ARHGAP35: variants seen among roughly 807,000 people sequenced by gnomAD.
ARHGAP35 encodes Rho GTPase activating protein 35, also known as rho GTPase-activating protein 35.
A neutral mutation model predicts 111.1 loss-of-function variants in ARHGAP35; 15 were observed. The ratio of observed to expected loss-of-function variants is 0.13; its 90% CI spans 0.09 to 0.21. The LOEUF (loss-of-function observed/expected upper bound fraction) is 0.21, where lower values mean the gene tolerates loss of function less well. Ranked by LOEUF, ARHGAP35 falls within the 10% of genes least tolerant of loss-of-function variation. ARHGAP35 has a pLI of 1.00. For missense variants in ARHGAP35, 1,262 were observed against 1,873.0 expected, an observed-to-expected ratio of 0.67 and a Z score of 6.02; for synonymous variants, 643 against 710.3, an observed-to-expected ratio of 0.91 and a Z score of 1.51.
intron 1 of ARHGAP35, among the ~76,000 whole-genome samples, chr19:46,866,063 A>G (rs2055854757): frequency 1.3e-5 from 2 of 151,328 alleles, no homozygotes; most frequent in Admixed American, 6.6e-5. Context: ...CTGGTCTTGA[A>G]CTCCTGACCT....
chr19:46,929,144 G>C (rs948809415), intron 2 of ARHGAP35, among the ~76,000 whole-genome samples: 42 of 152,122 alleles, frequency 2.8e-4, no homozygotes, highest in African/African-American at 1.0e-3. Flanking sequence ...AAGCATTTGT[G>C]CTTTAATAAT....
rs1407351013 is a variant in ARHGAP35 at position 46,993,597 on chromosome 19, C to A, written c.4036+3922C>A. Among the ~76,000 whole-genome samples the A allele has an allele frequency of 6.6e-6, 1 of 152,202 alleles. No homozygotes were observed. The highest frequency in any genetic ancestry group is 1.5e-5 in the Non-Finnish European group (1 of 68,034). On this transcript the variant is annotated intron_variant, in intron 5 of 6. Transcript: ENST00000672722. This position sits in a 1 kb window ranked among gnomAD's most constrained non-coding sequence, Gnocchi z 4.6. ...TGCCCTCTGTCTGTCCCCTCCCCTC[C>A]CTCCTGAGTTCTTGGGGTCTCTATT...
chr19:46,936,405 G>A (rs949727991), intron 2 of ARHGAP35, among the ~76,000 whole-genome samples: 3 of 152,102 alleles, frequency 2.0e-5, no homozygotes, highest in Admixed American at 6.6e-5. Flanking sequence ...TTGATTAGTC[G>A]ACTTTACCTT....
chr19:46,880,288 C>T (rs1393349339), intron 1 of ARHGAP35, among the ~76,000 whole-genome samples: 1 of 151,808 alleles, frequency 6.6e-6, no homozygotes, highest in Non-Finnish European at 1.5e-5. Flanking sequence ...CAAAATTTGC[C>T]GAGCATGGTG....
chr19:46,872,089 T>TA (rs936621486), intron 1 of ARHGAP35, among the ~76,000 whole-genome samples: 8 of 151,650 alleles, frequency 5.3e-5, no homozygotes, highest in South Asian at 2.1e-4. Context: ...TTTATAAATT[T>TA]AAAAAAAAAT....
Position 46,922,313 on chromosome 19 carries a change from C to G in ARHGAP35, c.3638C>G (p.Pro1213Arg), listed in dbSNP as rs762418967. 1 of 1,611,980 alleles carries G rather than the reference C, an allele frequency of 6.2e-7. No individual in the cohort carries two copies. The highest frequency in any genetic ancestry group is 8.5e-7 in the Non-Finnish European group (1 of 1,178,966). Residue 1213 changes from proline to arginine, a missense_variant, in exon 2 of 7, where the codon CCG becomes CGG. Pro to Arg is a moderately radical substitution (Grantham distance 103). Around this residue, in one of 8 missense-constraint regions of ARHGAP35, gnomAD observed 579 missense variants for 716.9 expected, o/e 0.81. Transcript: ENST00000672722. The surrounding 1 kb of genome is among the most constrained non-coding windows in gnomAD (Gnocchi z 4.0). ...ATTCCATACGAAACAGACGAAGACC[C>G]GCGGAGGAGGAATATTCTTCGCAGC... ...AVIPYETDED[P>R]RRRNILRSLR...
At chr19:46,982,122 A>G (rs1460503740) in intron 3 of ARHGAP35, among the ~76,000 whole-genome samples, 1 of 150,310 alleles carries the variant, frequency 6.7e-6, no homozygotes, top group Non-Finnish European at 1.5e-5. Flanking sequence ...TGCTGGGATT[A>G]TAGGCGGGAA....
intron 1 of ARHGAP35, among the ~76,000 whole-genome samples, chr19:46,882,217 T>A (rs942666656): frequency 6.6e-6 from 1 of 151,916 alleles, no homozygotes; most frequent in Non-Finnish European, 1.5e-5. Flanking sequence ...TACTGTAGCC[T>A]CAGCCTCCCA....
chr19:46,990,703 G>A (rs1021041152), intron 5 of ARHGAP35, among the ~76,000 whole-genome samples: 2 of 152,336 alleles, frequency 1.3e-5, no homozygotes, highest in South Asian at 2.1e-4. Flanking sequence ...AAGCCTGATG[G>A]TGTAGGCAGA....
intron 2 of ARHGAP35, among the ~76,000 whole-genome samples, chr19:46,928,393 A>T (rs2056251039): frequency 6.6e-6 from 1 of 152,224 alleles, no homozygotes; most frequent in Non-Finnish European, 1.5e-5. Flanking sequence ...ACCTTTGCTT[A>T]TAAGGCAAAG....
rs1024083491 is a variant in ARHGAP35 at position 47,004,682 on chromosome 19, T to C, written c.*3994T>C. ...AAAAAACAAAACATATTAATGGTAT[T>C]GAAATGTGTTAGTAGTCTGGCTGTG... On this transcript the variant is annotated 3_prime_UTR_variant, in exon 7 of 7. Transcript: ENST00000672722. 1 of 152,654 alleles carries C rather than the reference T, an allele frequency of 6.6e-6. No individual in the cohort carries two copies. The highest frequency in any genetic ancestry group is 2.4e-5 in the African/African-American group (1 of 41,452). The allele number at this position is 152,654 out of a possible 1,614,324, so 9.5% of individuals were successfully genotyped here.
chr19:46,912,251 C>G (rs1284801709), intron 1 of ARHGAP35, among the ~76,000 whole-genome samples: 1 of 151,920 alleles, frequency 6.6e-6, no homozygotes, highest in Non-Finnish European at 1.5e-5. Context: ...ACCATGATGG[C>G]CAGGCTGGTC....
intron 3 of ARHGAP35, among the ~76,000 whole-genome samples, chr19:46,984,501 G>C (rs145797918): frequency 6.6e-6 from 1 of 152,142 alleles, no homozygotes; most frequent in African/African-American, 2.4e-5. Flanking sequence ...TGCAGCCTTG[G>C]TGGTGTTTGC....
At position 46,920,790 on chromosome 19, in the gene ARHGAP35, G is replaced by A. The variant is rs151024661; in HGVS notation, c.2115G>A (p.Lys705=). Residue 705 remains lysine (K), a synonymous_variant, in exon 2 of 7, where the codon AAG becomes AAA. Transcript: ENST00000672722. This position sits in a 1 kb window ranked among gnomAD's most constrained non-coding sequence, Gnocchi z 7.0. ...HLPLTLILVN[K]RGDTSGETLH... ...CCCTTACATTAATTTTGGTTAACAA[G>A]AGAGGAGACACCAGTGGAGAGACTC... The A allele has an allele frequency of 1.1e-4, 180 of 1,609,660 alleles. No individual in the cohort carries two copies. The African/African-American group carries it at 2.4e-3, about 21-fold the overall frequency.
At chr19:46,888,364 ACCC>A (rs1555754931) in intron 1 of ARHGAP35, among the ~76,000 whole-genome samples, 1 of 106,366 alleles carries the variant, frequency 9.4e-6, no homozygotes, top group African/African-American at 3.4e-5. Context: ...ACACACACAC[ACCC>A]CACAACAAGA....
chr19:46,872,038 T>A (rs1409344848), intron 1 of ARHGAP35, among the ~76,000 whole-genome samples: 1 of 152,036 alleles, frequency 6.6e-6, no homozygotes, highest in Non-Finnish European at 1.5e-5. Context: ...GAATCAAGAT[T>A]GTATACAAAA....
In ARHGAP35 at chr19:46,961,879, G is replaced by A. The variant is rs143846687; in HGVS notation, c.3826+24471G>A. Among the ~76,000 whole-genome samples, 644 of 152,164 alleles carry A rather than the reference G, an allele frequency of 4.2e-3. 6 individuals carry two copies. The highest frequency in any genetic ancestry group is 0.015 in the African/African-American group (609 of 41,514). ...GGGGAGGCAGAAGTTGCAGTGAGCC[G>A]AGATTGCGCCACTGCCCTCCAGCCT... On this transcript the variant is annotated intron_variant, in intron 3 of 6. Transcript: ENST00000672722.
chr19:46,926,260 A>C lies in ARHGAP35; in HGVS notation c.3681+3904A>C, dbSNP rs190221983. Among the ~76,000 whole-genome samples the C allele has an allele frequency of 1.7e-3, 255 of 152,306 alleles. 1 individual carries two copies. The highest frequency in any genetic ancestry group is 5.8e-3 in the African/African-American group (242 of 41,572). On this transcript the variant is annotated intron_variant, in intron 2 of 6. Transcript: ENST00000672722. The surrounding 1 kb of genome is among the most constrained non-coding windows in gnomAD (Gnocchi z 4.1). The stretch of plus-strand genomic sequence containing the variant: ...AGTGCAGACTGTAAAGCTGACTCTC[A>C]TTCTGGGTGCTTTTCCCAGCTGAAC...
intron 2 of ARHGAP35, among the ~76,000 whole-genome samples, chr19:46,928,605 G>A (rs1247885376): frequency 4.6e-5 from 7 of 151,904 alleles, no homozygotes; most frequent in Non-Finnish European, 1.0e-4. Flanking sequence ...GTGGATCCGC[G>A]GTCACCAGAC....
Sources: gnomAD v4.1 joint callset for allele counts (sites outside exome capture counted in the v4.1 genomes callset) on GRCh38, gnomAD v4.1.1 for gene constraint, gnomAD v4.1.1 regional missense constraint, Gnocchi (gnomAD v3.1) non-coding constraint, MANE v1.5 for transcripts, NCBI Gene and HGNC (gene_info 2026-07-23, HGNC 2026-07-21) for gene names.